Variants in ZBBX observed in about 807,000 individuals in gnomAD.
ZBBX encodes zinc finger B-box domain containing, also known as zinc finger B-box domain-containing protein 1.
Under a neutral mutation model 108.5 loss-of-function variants are expected in ZBBX, and 101 were observed. The observed-to-expected ratio is 0.93, with a 90% CI of 0.79 to 1.10. The LOEUF (loss-of-function observed/expected upper bound fraction) is 1.10. Ranked by LOEUF, ZBBX falls within the 50% of genes least tolerant of loss-of-function variation. The pLI, the probability that ZBBX is intolerant of heterozygous loss-of-function variation, is 0.00. For synonymous variants in ZBBX, 356 were observed against 323.4 expected (o/e 1.10, Z -1.08); for missense variants, 1,009 against 941.4 (o/e 1.07, Z -0.94).
chr3:167,275,599 T>A (rs1009771953), intron 20 of ZBBX, among the ~76,000 whole-genome samples: 1 of 152,144 alleles, frequency 6.6e-6, no homozygotes, highest in African/African-American at 2.4e-5. Context: ...ACCAGGAGAT[T>A]ATATCCCGCA....
chr3:167,317,038 A>G lies in ZBBX; in HGVS notation c.1161T>C (p.Pro387=), dbSNP rs200463100. 2.1e-4 allele frequency: 338 copies of G among 1,609,774 alleles called. No individual in the cohort carries two copies. The highest frequency in any genetic ancestry group is 2.7e-4 in the Non-Finnish European group (314 of 1,177,428). Reference sequence around the variant, plus strand: ...GTTCGACTATCTTTAGAGATGGTTCAGGTCTCTCTATGTTTAATGTTTCTA... The same window carrying G: ...GTTCGACTATCTTTAGAGATGGTTCGGGTCTCTCTATGTTTAATGTTTCTA... The part of the protein sequence containing the change: ...LPVETLNIER[P]EPSLKIVELD... Residue 387 remains proline (P), a synonymous_variant, in exon 14 of 22, where the codon CCT becomes CCC. Coordinates refer to ENST00000675490, the MANE Select transcript of ZBBX (RefSeq NM_001199201.2).
At chr3:167,191,934 T>TATATAGAGAGAGAGAGAGAGAGAG in the ZBBX span, among the ~76,000 whole-genome samples, 33 of 130,220 alleles carry the variant, frequency 2.5e-4, no homozygotes, top group African/African-American at 1.0e-3. Context: ...TATATATATA[T>TATATAGAGAGAGAGAGAGAGAGAG]AGAGCAAGTT....
At chr3:167,383,556 G>A (rs908154971), upstream of ZBBX, among the ~76,000 whole-genome samples, 7 of 151,934 alleles carry the variant, frequency 4.6e-5, no homozygotes, top group South Asian at 2.1e-4. Context: ...AATTTTTCTC[G>A]GCTTTGTAAT....
At chr3:167,291,512 T>A (rs1378056274) in intron 18 of ZBBX, among the ~76,000 whole-genome samples, 1 of 152,076 alleles carries the variant, frequency 6.6e-6, no homozygotes, top group Non-Finnish European at 1.5e-5. Context: ...TGCTGAGAGA[T>A]CTTGTCACCA....
At chr3:167,230,061 C>T in the ZBBX span, among the ~76,000 whole-genome samples, 56 of 151,868 alleles carry the variant, frequency 3.7e-4, no homozygotes, top group East Asian at 0.011. Context: ...TGCAGCATCC[C>T]CACTTACTGC....
chr3:167,372,864 T>C lies in ZBBX; in HGVS notation c.38A>G (p.Lys13Arg). Residue 13 changes from lysine (K) to arginine (R), a missense_variant, in exon 4 of 22, where the codon AAA becomes AGA. Coordinates refer to ENST00000675490, the MANE Select transcript of ZBBX (RefSeq NM_001199201.2). ...RKDFVVLPWG[K>R]PGNSVKLKYR... ...TTTTAGCTTTACAGAATTTCCAGGT[T>C]TTCCCCATGGAAGAACTACAAAATC... The C allele has an allele frequency of 6.3e-7, 1 of 1,597,600 alleles. No individual in the cohort carries two copies. Among genetic ancestry groups the C allele is most frequent in the Non-Finnish European group, 8.5e-7 (1 of 1,170,014 alleles).
intron 12 of ZBBX, among the ~76,000 whole-genome samples, chr3:167,321,298 T>C (rs1736405927): frequency 6.6e-6 from 1 of 151,998 alleles, no homozygotes; most frequent in Admixed American, 6.6e-5. Context: ...ATTTCAAAAA[T>C]CTGAAGAGAT....
At chr3:167,405,990 C>T (rs918545060) in intron 1 of ZBBX, among the ~76,000 whole-genome samples, 4 of 151,986 alleles carry the variant, frequency 2.6e-5, no homozygotes, top group Admixed American at 1.3e-4. Context: ...CACTTGAACC[C>T]GGGGGGCAGA....
At chr3:167,368,851 T>A (rs1017915549) in intron 4 of ZBBX, 2 of 451,200 alleles carry the variant, frequency 4.4e-6, no homozygotes, top group Non-Finnish European at 6.2e-6. Flanking sequence ...GGCATGTTTT[T>A]ATATATGAAC....
chr3:167,206,775 C>T, the ZBBX span, among the ~76,000 whole-genome samples: 1 of 152,024 alleles, frequency 6.6e-6, no homozygotes, highest in African/African-American at 2.4e-5. Context: ...ATGGTACTGG[C>T]ATAAAATTAA....
At chr3:167,203,617 T>C in the ZBBX span, among the ~76,000 whole-genome samples, 9 of 152,212 alleles carry the variant, frequency 5.9e-5, no homozygotes, top group Admixed American at 5.2e-4. Flanking sequence ...AAGAAATGAA[T>C]AAAATTACTA....
chr3:167,199,917 A>G, the ZBBX span, among the ~76,000 whole-genome samples: 1 of 152,160 alleles, frequency 6.6e-6, no homozygotes, highest in Non-Finnish European at 1.5e-5. Flanking sequence ...ATTTGAAATC[A>G]ATGTGTCAGG....
chr3:167,362,714 T>C (rs1328361411), intron 6 of ZBBX, among the ~76,000 whole-genome samples: 1 of 152,148 alleles, frequency 6.6e-6, no homozygotes, highest in Non-Finnish European at 1.5e-5. Flanking sequence ...CCACAGGACC[T>C]AGCCCCTTTC....
the ZBBX span, among the ~76,000 whole-genome samples, chr3:167,191,641 T>A: frequency 2.0e-5 from 3 of 151,860 alleles, no homozygotes; most frequent in Non-Finnish European, 4.4e-5. Context: ...CCACCATGAG[T>A]GTGAAGCCTC....
chr3:167,252,673 C>T (rs1687073936), intron 20 of ZBBX, among the ~76,000 whole-genome samples: 1 of 151,244 alleles, frequency 6.6e-6, no homozygotes, highest in African/African-American at 2.4e-5. Context: ...CCTGGCAGTT[C>T]ACAGGCTACC....
At chr3:167,392,046 A>G (rs1420131087) in intron 1 of ZBBX, among the ~76,000 whole-genome samples, 3 of 151,698 alleles carry the variant, frequency 2.0e-5, no homozygotes. Context: ...TGCACTTGCA[A>G]TCAATACCCT....
chr3:167,214,835 T>C, the ZBBX span, among the ~76,000 whole-genome samples: 1 of 152,246 alleles, frequency 6.6e-6, no homozygotes, highest in East Asian at 1.9e-4. Context: ...CTAAGAAAAT[T>C]GCTCAAAATC....
chr3:167,363,526 T>C (rs368958620), intron 6 of ZBBX, among the ~76,000 whole-genome samples: 7 of 152,092 alleles, frequency 4.6e-5, no homozygotes, highest in African/African-American at 1.7e-4. Context: ...ACAAAAAATA[T>C]GTCTTCCTTT....
chr3:167,212,460 C>T, the ZBBX span, among the ~76,000 whole-genome samples: 4 of 152,174 alleles, frequency 2.6e-5, no homozygotes, highest in South Asian at 8.3e-4. Flanking sequence ...AATGAAGGAA[C>T]AAAGACCCTA....
Sources: gnomAD v4.1 joint callset for allele counts (sites outside exome capture counted in the v4.1 genomes callset) on GRCh38, gnomAD v4.1.1 for gene constraint, MANE v1.5 for transcripts, NCBI Gene and HGNC (gene_info 2026-07-23, HGNC 2026-07-21) for gene names.